XKR4: variants seen among roughly 807,000 people sequenced by gnomAD.
XKR4 encodes the protein XK related 4, also known as XK-related protein 4.
Under a neutral mutation model 53.9 loss-of-function variants are expected in XKR4, and 12 were observed. That is an observed-to-expected ratio of 0.22 (90% CI 0.14 to 0.36). The LOEUF (loss-of-function observed/expected upper bound fraction) is 0.36, where lower values mean the gene tolerates loss of function less well. Ranked by LOEUF, XKR4 falls within the 10% of genes least tolerant of loss-of-function variation. XKR4 has a pLI of 1.00. For missense variants in XKR4, 799 were observed against 859.5 expected, an observed-to-expected ratio of 0.93 and a Z score of 0.88; for synonymous variants, 354 against 362.4, an observed-to-expected ratio of 0.98 and a Z score of 0.26.
intron 1 of XKR4, among the ~76,000 whole-genome samples, chr8:55,303,521 T>A (rs1010409640): frequency 2.4e-4 from 36 of 152,330 alleles, no homozygotes; most frequent in South Asian, 2.1e-4. Context: ...TAAAATGAGT[T>A]AAGGAGGATT....
intron 1 of XKR4, among the ~76,000 whole-genome samples, chr8:55,242,939 CAA>C (rs2129368502): frequency 6.6e-6 from 1 of 152,268 alleles, no homozygotes; most frequent in Non-Finnish European, 1.5e-5. Flanking sequence ...ATGAAATCAC[CAA>C]AGTCATGTTT....
intron 2 of XKR4, among the ~76,000 whole-genome samples, chr8:55,518,350 A>G (rs1806746016): frequency 6.6e-6 from 1 of 152,188 alleles, no homozygotes; most frequent in Non-Finnish European, 1.5e-5. Context: ...CTGGCTCTAC[A>G]TTTGGAATAC....
chr8:55,444,310 A>C (rs1242198045), intron 2 of XKR4, among the ~76,000 whole-genome samples: 2 of 152,260 alleles, frequency 1.3e-5, no homozygotes, highest in Non-Finnish European at 2.9e-5. Flanking sequence ...CGAACTCAGG[A>C]TATGGATTAA....
intron 2 of XKR4, among the ~76,000 whole-genome samples, chr8:55,404,276 T>C (rs1804654689): frequency 6.6e-6 from 1 of 152,170 alleles, no homozygotes; most frequent in Non-Finnish European, 1.5e-5. Context: ...GACAGATAGA[T>C]AGGTAGATAA....
intron 1 of XKR4, among the ~76,000 whole-genome samples, chr8:55,108,577 T>C (rs1816187273): frequency 1.3e-5 from 2 of 152,206 alleles, no homozygotes; most frequent in Non-Finnish European, 2.9e-5. Context: ...AACAAGTTGG[T>C]TGAAAGTTTT....
chr8:55,243,274 T>TAAG (rs1187264075), intron 1 of XKR4, among the ~76,000 whole-genome samples: 1 of 152,246 alleles, frequency 6.6e-6, no homozygotes, highest in Non-Finnish European at 1.5e-5. Flanking sequence ...CAATGCCATG[T>TAAG]ATCCACCATT....
intron 1 of XKR4, among the ~76,000 whole-genome samples, chr8:55,278,652 TATA>T (rs1237881111): frequency 6.6e-6 from 1 of 152,200 alleles, no homozygotes; most frequent in Admixed American, 6.5e-5. Flanking sequence ...ATAGATTACA[TATA>T]ATAAGTTGTC....
chr8:55,284,592 T>G (rs970216212), intron 1 of XKR4, among the ~76,000 whole-genome samples: 2 of 152,154 alleles, frequency 1.3e-5, no homozygotes, highest in African/African-American at 2.4e-5. Context: ...ACATGGCAGC[T>G]GGCTTTCTCC....
chr8:55,152,975 G>T (rs911577507), intron 1 of XKR4, among the ~76,000 whole-genome samples: 1 of 152,174 alleles, frequency 6.6e-6, no homozygotes, highest in Admixed American at 6.5e-5. Flanking sequence ...TGAACCCAGG[G>T]CTTTGGGGTT....
chr8:55,485,321 C>T (rs1425909901), intron 2 of XKR4, among the ~76,000 whole-genome samples: 1 of 152,076 alleles, frequency 6.6e-6, no homozygotes, highest in East Asian at 1.9e-4. Flanking sequence ...TAAAACTATC[C>T]CTGTTTGCAG....
intron 1 of XKR4, among the ~76,000 whole-genome samples, chr8:55,182,809 A>G: frequency 1.2e-5 from 1 of 80,032 alleles, no homozygotes; most frequent in South Asian, 5.6e-4. Context: ...TTTACAATCA[A>G]CTTAACATAT....
intron 2 of XKR4, chr8:55,454,599 C>G: frequency 7.1e-7 from 1 of 1,398,826 alleles, no homozygotes; most frequent in African/African-American, 1.4e-5. Context: ...GGTCACCAGC[C>G]CCCAAATAAA....
intron 2 of XKR4, chr8:55,455,100 T>C: frequency 1.5e-6 from 1 of 661,374 alleles, no homozygotes; most frequent in Non-Finnish European, 2.8e-6. Context: ...GGGTGCGGCC[T>C]GAATGCCACC....
rs1806874531 is a variant in XKR4 at position 55,525,715 on chromosome 8, G to T, written c.*1488G>T. The T allele has an allele frequency of 6.6e-6, 1 of 152,570 alleles. No homozygotes were observed. Among genetic ancestry groups the T allele is most frequent in the Non-Finnish European group, 1.5e-5 (1 of 68,022 alleles). The allele number at this position is 152,570 out of a possible 1,614,324, so 9.5% of individuals were successfully genotyped here. On this transcript the variant is annotated 3_prime_UTR_variant, in exon 3 of 3. Transcript: ENST00000327381. ...TTGGTGCAGAGTGGAATAACTCATG[G>T]ATTATTTCAATATTTTTGTAATAAA... is the stretch of plus-strand genomic sequence containing the variant.
intron 1 of XKR4, among the ~76,000 whole-genome samples, chr8:55,286,912 C>T (rs1299297858): frequency 6.6e-6 from 1 of 152,042 alleles, no homozygotes; most frequent in African/African-American, 2.4e-5. Context: ...AAGTGATCAG[C>T]TACAGATTTT....
chr8:55,251,101 G>GT (rs1370676635), intron 1 of XKR4, among the ~76,000 whole-genome samples: 1 of 152,202 alleles, frequency 6.6e-6, no homozygotes, highest in African/African-American at 2.4e-5. Context: ...AGGCATAGGC[G>GT]TAGACGTAAG....
intron 1 of XKR4, among the ~76,000 whole-genome samples, chr8:55,181,522 A>T (rs1357691761): frequency 2.0e-5 from 3 of 152,130 alleles, no homozygotes; most frequent in Admixed American, 1.3e-4. Context: ...ACCACTACGG[A>T]TATGCAGTAG....
intron 2 of XKR4, among the ~76,000 whole-genome samples, chr8:55,360,553 A>T (rs1803886133): frequency 6.6e-6 from 1 of 152,240 alleles, no homozygotes; most frequent in South Asian, 2.1e-4. Flanking sequence ...AATGTAAATA[A>T]TCAATAGGCA....
chr8:55,472,337 T>C (rs76524942), intron 2 of XKR4, among the ~76,000 whole-genome samples: 2 of 152,276 alleles, frequency 1.3e-5, no homozygotes, highest in African/African-American at 4.8e-5. Context: ...GCTAGTTCCT[T>C]TTCTCTCTGA....
Sources: allele counts gnomAD v4.1 joint callset (sites outside exome capture counted in the v4.1 genomes callset), GRCh38; gene constraint gnomAD v4.1.1; transcripts MANE v1.5; gene names NCBI Gene and HGNC (gene_info 2026-07-23, HGNC 2026-07-21).